The following GREB1 variants were observed in gnomAD, a reference collection of about 807,000 sequenced individuals.
GREB1 encodes the protein protein GREB1.
GREB1 carries 106 observed loss-of-function variants against 200.7 expected under a neutral mutation model. That is an observed-to-expected ratio of 0.53 (90% CI 0.45 to 0.62). The LOEUF is 0.62. GREB1 is among the 20% of genes least tolerant of loss of function. GREB1 has a pLI of 0.00. For synonymous variants in GREB1, 1,132 were observed against 1,092.4 expected, an observed-to-expected ratio of 1.04 and a Z score of -0.72; for missense variants, 2,243 against 2,556.8, an observed-to-expected ratio of 0.88 and a Z score of 2.65.
At chr2:11,592,176 C>A in intron 10 of GREB1, 947 of 555,946 alleles carry the variant, frequency 1.7e-3, no homozygotes, top group South Asian at 2.1e-3. Context: ...TGGCTTCCTA[C>A]TTTTTTTTTT....
intron 1 of GREB1, among the ~76,000 whole-genome samples, chr2:11,507,403 C>CAAAA (rs11400364): frequency 7.2e-6 from 1 of 139,044 alleles, no homozygotes; most frequent in African/African-American, 2.7e-5. Flanking sequence ...AGCAAGACTC[C>CAAAA]AAAAAAAAAA....
Position 11,597,795 on chromosome 2 carries a change from C to G in GREB1, c.1969C>G (p.Pro657Ala). The part of the protein sequence containing the change: ...TPVCTSYNLE[P>A]HSIRPFQLAV... ...TCTGGTTCCAGGTTACAATCTGGAG[C>G]CACACAGCATCCGGCCCTTCCAGCT... The change falls in exon 14 of 33, where the codon CCA becomes GCA. Residue 657 changes from proline (P) to alanine (A), a missense_variant. Around this residue, in one of 3 missense-constraint regions of GREB1, gnomAD observed 1,178 missense variants for 1,387.4 expected, o/e 0.85. Coordinates refer to ENST00000381486, the MANE Select transcript of GREB1 (RefSeq NM_014668.4). The surrounding 1 kb of genome is among the most constrained non-coding windows in gnomAD (Gnocchi z 4.1). 1 of 1,614,150 alleles carries G rather than the reference C, an allele frequency of 6.2e-7. No individual in the cohort carries two copies. The highest frequency in any genetic ancestry group is 8.5e-7 in the Non-Finnish European group (1 of 1,180,014).
chr2:11,487,223 G>A (rs960360258), intron 1 of GREB1, among the ~76,000 whole-genome samples: 1 of 152,102 alleles, frequency 6.6e-6, no homozygotes, highest in Non-Finnish European at 1.5e-5. Flanking sequence ...ATTGATGGTA[G>A]TACACATTTC....
chr2:11,632,807 C>G (rs746571750), intron 27 of GREB1, 82 bp from the exon 28 acceptor site: 3 of 1,285,040 alleles, frequency 2.3e-6, no homozygotes, highest in Non-Finnish European at 3.3e-6. Flanking sequence ...TGGGCGGCCC[C>G]GACAGCAGGT....
At chr2:11,563,528 A>G (rs1189208802) in intron 3 of GREB1, among the ~76,000 whole-genome samples, 2 of 152,204 alleles carry the variant, frequency 1.3e-5, no homozygotes, top group Admixed American at 1.3e-4. Flanking sequence ...ACACCATGTC[A>G]GTCAAGTGGG....
upstream of GREB1, among the ~76,000 whole-genome samples, chr2:11,532,237 C>G (rs928903415): frequency 1.4e-4 from 21 of 152,318 alleles, no homozygotes; most frequent in African/African-American, 4.8e-4. Context: ...TCAACACTCT[C>G]ATGGCACTTA....
intron 24 of GREB1, among the ~76,000 whole-genome samples, chr2:11,625,637 A>G (rs187682182): frequency 2.7e-4 from 41 of 152,308 alleles, no homozygotes; most frequent in Non-Finnish European, 5.6e-4. Flanking sequence ...CAAAACGAGT[A>G]CACGTGTTCA....
intron 21 of GREB1, among the ~76,000 whole-genome samples, chr2:11,617,710 G>A (rs1029810808): frequency 9.9e-5 from 15 of 152,156 alleles, no homozygotes; most frequent in African/African-American, 1.4e-4. Context: ...TGCGGTGGCC[G>A]CAGGCTCCTG....
In GREB1 at chr2:11,629,395, G is replaced by T. The variant is rs1250885082; in HGVS notation, c.4450-553G>T. Among the ~76,000 whole-genome samples the T allele has an allele frequency of 2.0e-5, 3 of 152,154 alleles. No homozygotes were observed. The East Asian group carries it at 5.8e-4, about 29-fold the overall frequency. ...CCAGACTTGGTGACTTGGTGACAGA[G>T]CCCAAGGTCTCTGAATGTCAGTTTT... On this transcript the variant is annotated intron_variant, in intron 25 of 32. Transcript: ENST00000381486. This position sits in a 1 kb window ranked among gnomAD's most constrained non-coding sequence, Gnocchi z 5.2.
At chr2:11,593,153 G>A in intron 11 of GREB1, 27 bp downstream of exon 11, 1 of 1,473,968 alleles carries the variant, frequency 6.8e-7, no homozygotes, top group Non-Finnish European at 9.2e-7. Flanking sequence ...GCGGCTGCGG[G>A]AAAGCCCCCT....
rs774355788 is a variant in GREB1 at position 11,518,552 on chromosome 2, A to G, written c.-159+36171A>G. ...CGGGTAGGGGGTGGGGGTGTGTGGCATGGGCCTGGTTAATGCAGACAGATC... is the reference window on the plus strand; with the variant it reads ...CGGGTAGGGGGTGGGGGTGTGTGGCGTGGGCCTGGTTAATGCAGACAGATC... On this transcript the variant is annotated intron_variant, in intron 1 of 2. Transcript: ENST00000628795. Among the ~76,000 whole-genome samples, 61 of 152,140 alleles carry G rather than the reference A, an allele frequency of 4.0e-4. 1 individual carries two copies. Among genetic ancestry groups the G allele is most frequent in the Non-Finnish European group, 4.6e-4 (31 of 68,002 alleles).
intron 2 of GREB1, among the ~76,000 whole-genome samples, chr2:11,560,796 G>A (rs370801971): frequency 2.3e-4 from 35 of 152,244 alleles, no homozygotes; most frequent in African/African-American, 7.7e-4. Flanking sequence ...AACTCTGTAT[G>A]CTATTTATTA....
At chr2:11,626,783 C>T (rs1047442938) in intron 24 of GREB1, among the ~76,000 whole-genome samples, 179 bp from the exon 25 acceptor site, 4 of 152,170 alleles carry the variant, frequency 2.6e-5, no homozygotes, top group African/African-American at 9.7e-5. Flanking sequence ...TGTGGCCCTT[C>T]GTTGTCTCCT....
Position 11,585,184 on chromosome 2 carries a change from C to T in GREB1, c.925C>T (p.Pro309Ser). ...ALGILSNSGP[P>S]KKRHKGWSPE... ...AGGTATCTTGTCAAACTCCGGGCCC[C>T]CCAAAAAACGCCACAAAGGGTGGTC... Residue 309 changes from proline to serine, a missense_variant, in exon 8 of 33, where the codon CCC becomes TCC. Pro to Ser is a moderately conservative substitution (Grantham distance 74). This residue lies in a region of GREB1 where 1,178 missense variants were observed against 1,387.4 expected (regional missense o/e 0.85). Transcript: ENST00000381486. 1 of 1,577,838 alleles carries T rather than the reference C, an allele frequency of 6.3e-7. No individual in the cohort carries two copies. The highest frequency in any genetic ancestry group is 8.6e-7 in the Non-Finnish European group (1 of 1,165,262).
chr2:11,502,440 T>G lies in GREB1; in HGVS notation c.-159+20059T>G, dbSNP rs1332427334. 2.6e-5 allele frequency among the ~76,000 whole-genome samples: 4 copies of G among 151,662 alleles called. No homozygotes were observed. The East Asian group carries it at 7.8e-4, about 30-fold the overall frequency. On this transcript the variant is annotated intron_variant, in intron 1 of 2. Transcript: ENST00000628795. Reference sequence around the variant, plus strand: ...TCTCGCCATGTTGCCCAGGCTGGTCTTGAACTCCTGGGCTTAAGGGATCTG... The same window carrying G: ...TCTCGCCATGTTGCCCAGGCTGGTCGTGAACTCCTGGGCTTAAGGGATCTG...
At position 11,602,526 on chromosome 2, in the gene GREB1, A is replaced by G. The variant is rs1681874280; in HGVS notation, c.2650A>G (p.Thr884Ala). Residue 884 changes from threonine (T) to alanine (A), a missense_variant, in exon 17 of 33, where the codon ACT (threonine) becomes GCT (alanine). Coordinates refer to ENST00000381486, the MANE Select transcript of GREB1 (RefSeq NM_014668.4). ...RYDSSFEAMV[T>A]ALGKRFPRLH... ...CGATAGCTCCTTTGAGGCCATGGTC[A>G]CTGCATTAGGAAAAAGGTACTTGTT... 1 of 1,613,932 alleles carries G rather than the reference A, an allele frequency of 6.2e-7. No homozygotes were observed. Among genetic ancestry groups the G allele is most frequent in the African/African-American group, 1.3e-5 (1 of 74,950 alleles).
chr2:11,639,969 T>C (rs935213631), intron 32 of GREB1, among the ~76,000 whole-genome samples: 2 of 152,062 alleles, frequency 1.3e-5, no homozygotes, highest in African/African-American at 4.8e-5. Flanking sequence ...GTGGGGTATG[T>C]GAGCTACCGG....
At chr2:11,622,352 A>T (rs1040063024) in intron 23 of GREB1, among the ~76,000 whole-genome samples, 21 of 152,220 alleles carry the variant, frequency 1.4e-4, no homozygotes, top group African/African-American at 4.6e-4. Context: ...AAGTTCTGGG[A>T]TTACAGGTGT....
chr2:11,585,059 A>AC, intron 7 of GREB1, 102 bp from the exon 8 acceptor site: 1 of 584,304 alleles, frequency 1.7e-6, no homozygotes, highest in East Asian at 3.4e-5. Flanking sequence ...ATTAGAAAAA[A>AC]AAAAACAAAA....
Sources: allele counts gnomAD v4.1 joint callset (sites outside exome capture counted in the v4.1 genomes callset), GRCh38; gene constraint gnomAD v4.1.1; regional missense constraint gnomAD v4.1.1; non-coding constraint Gnocchi (gnomAD v3.1); transcripts MANE v1.5; gene names NCBI Gene and HGNC (gene_info 2026-07-23, HGNC 2026-07-21).